TENM3: variants seen among roughly 807,000 people sequenced by gnomAD.
The protein encoded by TENM3 is teneurin transmembrane protein 3.
Under a neutral mutation model 255.1 loss-of-function variants are expected in TENM3, and 63 were observed. The observed-to-expected ratio is 0.25, with a 90% CI of 0.20 to 0.30. The LOEUF is 0.30. TENM3 is among the 10% of genes least tolerant of loss of function. The pLI is 1.00. For missense variants in TENM3, 2,929 were observed against 3,461.1 expected, an observed-to-expected ratio of 0.85 and a Z score of 3.86; for synonymous variants, 1,306 against 1,322.3, an observed-to-expected ratio of 0.99 and a Z score of 0.27.
chr4:182,425,666 C>G (rs1007077891), intron 3 of TENM3, among the ~76,000 whole-genome samples: 27 of 152,224 alleles, frequency 1.8e-4, no homozygotes, highest in African/African-American at 5.8e-4. Context: ...ATATTGCCCT[C>G]TTTCGCAGAA....
At chr4:181,614,844 A>C in the TENM3 span, among the ~76,000 whole-genome samples, 1 of 152,226 alleles carries the variant, frequency 6.6e-6, no homozygotes, top group Non-Finnish European at 1.5e-5. Flanking sequence ...CTCCAGGCTC[A>C]TTTAAGCTCT....
At chr4:182,289,078 A>G (rs1760936089) in intron 1 of TENM3, among the ~76,000 whole-genome samples, 1 of 152,000 alleles carries the variant, frequency 6.6e-6, no homozygotes, top group Admixed American at 6.6e-5. Flanking sequence ...AAAAATTTAA[A>G]AATTAGCCTG....
At chr4:181,523,704 A>G in the TENM3 span, among the ~76,000 whole-genome samples, 3 of 152,292 alleles carry the variant, frequency 2.0e-5, no homozygotes, top group Non-Finnish European at 4.4e-5. Context: ...GTGTTTCCTT[A>G]AAGCAAGCTC....
intron 1 of TENM3, chr4:182,145,008 A>T (rs1480358905): frequency 6.6e-6 from 1 of 151,430 alleles, no homozygotes; most frequent in Non-Finnish European, 1.5e-5. Flanking sequence ...CCGGGGAGCC[A>T]GGCGCCGCGC....
chr4:182,187,895 C>T (rs1469618135), intron 1 of TENM3, among the ~76,000 whole-genome samples: 2 of 151,890 alleles, frequency 1.3e-5, no homozygotes, highest in African/African-American at 2.4e-5. Context: ...ATCCATAAAA[C>T]GAAATGGATT....
the TENM3 span, among the ~76,000 whole-genome samples, chr4:181,873,034 A>C: frequency 2.0e-5 from 3 of 152,106 alleles, no homozygotes; most frequent in Non-Finnish European, 4.4e-5. Flanking sequence ...AGGTAATTAA[A>C]ATTATTAGCT....
chr4:181,865,336 G>A, the TENM3 span, among the ~76,000 whole-genome samples: 1 of 152,180 alleles, frequency 6.6e-6, no homozygotes, highest in Non-Finnish European at 1.5e-5. Flanking sequence ...GAACAAATGT[G>A]AATATGACTG....
the TENM3 span, among the ~76,000 whole-genome samples, chr4:181,543,158 T>C: frequency 2.1e-4 from 32 of 152,318 alleles, no homozygotes; most frequent in African/African-American, 7.5e-4. Context: ...TCTTATAAAA[T>C]GTATTCCCAC....
chr4:181,974,576 A>G, the TENM3 span, among the ~76,000 whole-genome samples: 3 of 98,886 alleles, frequency 3.0e-5, no homozygotes, highest in Admixed American at 9.5e-5. Context: ...TCAAACAAAC[A>G]AACAAAAAAA....
chr4:182,429,527 A>C (rs1262914789), intron 3 of TENM3, among the ~76,000 whole-genome samples: 3 of 152,222 alleles, frequency 2.0e-5, no homozygotes, highest in African/African-American at 7.2e-5. Context: ...ATCCAATATT[A>C]GTTTTTTACT....
chr4:181,706,916 A>G, the TENM3 span, among the ~76,000 whole-genome samples: 62 of 152,186 alleles, frequency 4.1e-4, no homozygotes, highest in African/African-American at 1.5e-3. Flanking sequence ...TCCTGAGCCC[A>G]AATACGTTAG....
chr4:181,786,410 G>T, the TENM3 span, among the ~76,000 whole-genome samples: 8 of 152,166 alleles, frequency 5.3e-5, no homozygotes, highest in Non-Finnish European at 8.8e-5. Context: ...CCAGATGGTT[G>T]ATACGTAAAT....
chr4:182,788,995 A>G (rs1765896074), intron 24 of TENM3, 98 bp from the exon 25 acceptor site: 1 of 1,111,088 alleles, frequency 9.0e-7, no homozygotes, highest in African/African-American at 1.6e-5. Context: ...TTTACTGACA[A>G]AGAGAATCAA....
chr4:182,345,980 C>A (rs1055111492), intron 2 of TENM3, among the ~76,000 whole-genome samples: 5 of 151,956 alleles, frequency 3.3e-5, no homozygotes, highest in Admixed American at 6.6e-5. Flanking sequence ...CCTAGAAAGT[C>A]AAAAATGTAC....
At chr4:182,361,734 G>C (rs554340174) in intron 3 of TENM3, among the ~76,000 whole-genome samples, 1 of 151,970 alleles carries the variant, frequency 6.6e-6, no homozygotes, top group African/African-American at 2.4e-5. Context: ...GTCATTCTCC[G>C]TCCAGCTTTG....
chr4:181,905,534 CTTTTTT>C, the TENM3 span, among the ~76,000 whole-genome samples: 1 of 131,942 alleles, frequency 7.6e-6, no homozygotes, highest in Admixed American at 7.6e-5. Context: ...ATGAGCTGAG[CTTTTTT>C]TTTTTTTTTT....
the TENM3 span, among the ~76,000 whole-genome samples, chr4:181,984,789 CGTGTGTGTGTGT>C: frequency 0.04 from 5,587 of 138,478 alleles, 125 homozygotes; most frequent in African/African-American, 0.044. Flanking sequence ...CTAAAAGAGT[CGTGTGTGTGTGT>C]GTGTGTGTGT....
At chr4:182,729,797 C>G (rs1391347722) in intron 14 of TENM3, among the ~76,000 whole-genome samples, 1 of 152,204 alleles carries the variant, frequency 6.6e-6, no homozygotes, top group Non-Finnish European at 1.5e-5. Context: ...TTATCGCCCC[C>G]TTAAATCTTA....
intron 1 of TENM3, chr4:182,144,908 C>G (rs1482583818): frequency 6.6e-6 from 1 of 151,588 alleles, no homozygotes; most frequent in Non-Finnish European, 1.5e-5. Flanking sequence ...CGGATTCTCT[C>G]CACGGTCCGG....
Sources: allele counts gnomAD v4.1 joint callset (sites outside exome capture counted in the v4.1 genomes callset), GRCh38; gene constraint gnomAD v4.1.1; transcripts MANE v1.5; gene names NCBI Gene and HGNC (gene_info 2026-07-23, HGNC 2026-07-21).